GUCY1A2: variants seen among roughly 807,000 people sequenced by gnomAD.
The protein encoded by GUCY1A2 is guanylate cyclase 1 soluble subunit alpha 2.
Under a neutral mutation model 63.5 loss-of-function variants are expected in GUCY1A2, and 27 were observed. The observed-to-expected ratio is 0.43, with a 90% CI of 0.31 to 0.59. The LOEUF (loss-of-function observed/expected upper bound fraction) is 0.59, where lower values mean the gene tolerates loss of function less well. Among genes scored for constraint, GUCY1A2 ranks in the 20% least tolerant of loss-of-function variants. GUCY1A2 has a pLI of 0.11. For missense variants in GUCY1A2, 768 were observed against 913.3 expected, an observed-to-expected ratio of 0.84 and a Z score of 2.05; for synonymous variants, 364 against 343.5, an observed-to-expected ratio of 1.06 and a Z score of -0.66.
chr11:106,927,730 A>G (rs1591330844), intron 4 of GUCY1A2, among the ~76,000 whole-genome samples: 1 of 149,660 alleles, frequency 6.7e-6, no homozygotes, highest in East Asian at 2.0e-4. Flanking sequence ...ACGCCCGGCT[A>G]ATTTTTTTTT....
At chr11:106,710,986 C>T (rs982656837) in intron 6 of GUCY1A2, among the ~76,000 whole-genome samples, 1 of 152,228 alleles carries the variant, frequency 6.6e-6, no homozygotes, top group Admixed American at 6.5e-5. Flanking sequence ...TAGGTTGAAA[C>T]TAATGTGACC....
chr11:106,944,187 C>A (rs1382571935), intron 3 of GUCY1A2, among the ~76,000 whole-genome samples: 1 of 91,286 alleles, frequency 1.1e-5, no homozygotes, highest in Non-Finnish European at 2.3e-5. Flanking sequence ...TGCACTCCAG[C>A]CTGGGCAACA....
At chr11:106,933,690 A>C (rs1860636254) in intron 4 of GUCY1A2, among the ~76,000 whole-genome samples, 2 of 152,206 alleles carry the variant, frequency 1.3e-5, no homozygotes. Context: ...CAGGGAATCA[A>C]CCCAGGTGCC....
intron 1 of GUCY1A2, among the ~76,000 whole-genome samples, chr11:106,987,652 CAAAA>C (rs59863037): frequency 9.2e-6 from 1 of 108,806 alleles, no homozygotes; most frequent in Non-Finnish European, 1.9e-5. Flanking sequence ...GACTCTGCCT[CAAAA>C]AAAAAAAAAA....
At chr11:106,856,901 T>G (rs943149235) in intron 4 of GUCY1A2, among the ~76,000 whole-genome samples, 3 of 152,204 alleles carry the variant, frequency 2.0e-5, no homozygotes, top group Non-Finnish European at 4.4e-5. Context: ...TCTTTTCACT[T>G]AAACCGTACA....
At chr11:106,934,725 T>C (rs1860651717) in intron 4 of GUCY1A2, among the ~76,000 whole-genome samples, 1 of 152,186 alleles carries the variant, frequency 6.6e-6, no homozygotes, top group Non-Finnish European at 1.5e-5. Flanking sequence ...GTTCCAACCC[T>C]GAGAACAAAA....
intron 6 of GUCY1A2, among the ~76,000 whole-genome samples, chr11:106,761,986 C>T (rs907313431): frequency 2.0e-5 from 3 of 152,054 alleles, no homozygotes; most frequent in African/African-American, 7.2e-5. Flanking sequence ...TAATCATAAC[C>T]TCATAATAGG....
chr11:106,965,088 T>A (rs568875802), intron 3 of GUCY1A2, among the ~76,000 whole-genome samples: 6 of 152,192 alleles, frequency 3.9e-5, no homozygotes, highest in Non-Finnish European at 8.8e-5. Context: ...GTTTTTTTTT[T>A]AGGAAACAGA....
At chr11:106,877,029 T>C (rs1396997737) in intron 4 of GUCY1A2, among the ~76,000 whole-genome samples, 1 of 152,058 alleles carries the variant, frequency 6.6e-6, no homozygotes, top group Non-Finnish European at 1.5e-5. Flanking sequence ...GCAAAGGTTA[T>C]AGTGATGCAC....
At chr11:106,773,075 G>A (rs1864285930) in intron 6 of GUCY1A2, among the ~76,000 whole-genome samples, 1 of 151,796 alleles carries the variant, frequency 6.6e-6, no homozygotes, top group South Asian at 2.1e-4. Context: ...TTAAAGAAGA[G>A]TAATAAAATA....
At chr11:106,838,389 G>A (rs2135441441) in intron 4 of GUCY1A2, among the ~76,000 whole-genome samples, 2 of 152,040 alleles carry the variant, frequency 1.3e-5, no homozygotes, top group Middle Eastern at 3.4e-3. Flanking sequence ...AAATGAAAAT[G>A]TATAAAGTTG....
At chr11:106,714,003 C>CTTTTTTT (rs5794485) in intron 6 of GUCY1A2, among the ~76,000 whole-genome samples, 1 of 138,406 alleles carries the variant, frequency 7.2e-6, no homozygotes, top group Non-Finnish European at 1.6e-5. Flanking sequence ...ATTTTACACT[C>CTTTTTTT]TTTTTTTCTT....
At chr11:106,969,904 T>C (rs1861172671) in intron 3 of GUCY1A2, among the ~76,000 whole-genome samples, 2 of 152,222 alleles carry the variant, frequency 1.3e-5, no homozygotes, top group South Asian at 4.1e-4. Context: ...CCATTTCTTC[T>C]GCTCCAAGTC....
chr11:106,725,913 G>C (rs112872198), intron 6 of GUCY1A2, among the ~76,000 whole-genome samples: 4 of 151,614 alleles, frequency 2.6e-5, no homozygotes, highest in Admixed American at 2.0e-4. Flanking sequence ...AGACTGTGCA[G>C]TACTCTGGGG....
chr11:106,716,546 T>G (rs912190440), intron 6 of GUCY1A2, among the ~76,000 whole-genome samples: 4 of 152,010 alleles, frequency 2.6e-5, no homozygotes, highest in Admixed American at 6.5e-5. Context: ...TTGGTGGGAC[T>G]GACGCCACCC....
chr11:106,993,169 G>C (rs1475354479), intron 1 of GUCY1A2, among the ~76,000 whole-genome samples: 6 of 152,176 alleles, frequency 3.9e-5, no homozygotes, highest in African/African-American at 1.4e-4. Context: ...GCTTGTCAGA[G>C]AAAGATAAAT....
chr11:106,759,732 G>A (rs914827167), intron 6 of GUCY1A2, among the ~76,000 whole-genome samples: 7 of 152,152 alleles, frequency 4.6e-5, no homozygotes, highest in Non-Finnish European at 8.8e-5. Context: ...TAAGGAGTTC[G>A]AGACCAGCCT....
At chr11:106,726,441 C>A (rs1449696927) in intron 6 of GUCY1A2, among the ~76,000 whole-genome samples, 1 of 151,994 alleles carries the variant, frequency 6.6e-6, no homozygotes, top group Admixed American at 6.6e-5. Flanking sequence ...ACAAAAACCA[C>A]AGAAAAACAG....
chr11:106,858,161 T>C (rs1049061221), intron 4 of GUCY1A2, among the ~76,000 whole-genome samples: 5 of 152,198 alleles, frequency 3.3e-5, no homozygotes, highest in African/African-American at 1.2e-4. Context: ...AAAAGATAGA[T>C]ATCTCTTAAA....
Sources: gnomAD v4.1 joint callset for allele counts (sites outside exome capture counted in the v4.1 genomes callset) on GRCh38, gnomAD v4.1.1 for gene constraint, MANE v1.5 for transcripts, NCBI Gene and HGNC (gene_info 2026-07-23, HGNC 2026-07-21) for gene names.